Variants in CACNA1D observed in about 807,000 individuals in gnomAD.
CACNA1D encodes the protein calcium voltage-gated channel subunit alpha1 D.
Under a neutral mutation model 257.1 loss-of-function variants are expected in CACNA1D, and 55 were observed. That is an observed-to-expected ratio of 0.21 (90% confidence interval 0.17 to 0.27). The LOEUF (loss-of-function observed/expected upper bound fraction) is 0.27. CACNA1D is among the 10% of genes least tolerant of loss of function. CACNA1D has a pLI of 1.00. For synonymous variants in CACNA1D, 980 were observed against 1,014.9 expected, an observed-to-expected ratio of 0.97 and a Z score of 0.65; for missense variants, 1,876 against 2,784.0, an observed-to-expected ratio of 0.67 and a Z score of 7.34.
chr3:53,803,646 G>A, intron 44 of CACNA1D, 74 bp downstream of exon 44: 1 of 1,473,686 alleles, frequency 6.8e-7, no homozygotes, highest in Non-Finnish European at 9.4e-7. Context: ...GGAAGCCAGG[G>A]CCACCGGCAG....
chr3:53,677,152 G>C (rs530308766), intron 8 of CACNA1D, among the ~76,000 whole-genome samples: 2 of 152,268 alleles, frequency 1.3e-5, no homozygotes, highest in East Asian at 1.9e-4. Flanking sequence ...ATGGGTGGTA[G>C]GCTGGTTGGC....
intron 3 of CACNA1D, among the ~76,000 whole-genome samples, chr3:53,610,276 A>G (rs932225748): frequency 4.6e-5 from 7 of 152,220 alleles, no homozygotes; most frequent in African/African-American, 1.4e-4. Flanking sequence ...TGATAGTGCT[A>G]TTCTTTTGTA....
chr3:53,592,252 C>T (rs2093315767), intron 3 of CACNA1D, among the ~76,000 whole-genome samples: 1 of 152,138 alleles, frequency 6.6e-6, no homozygotes, highest in South Asian at 2.1e-4. Context: ...TAATGAGGTG[C>T]CATGTAGGCA....
intron 3 of CACNA1D, among the ~76,000 whole-genome samples, chr3:53,642,079 G>A (rs78718305): frequency 0.029 from 4,342 of 152,302 alleles, 77 homozygotes; most frequent in East Asian, 0.071. Flanking sequence ...CAAATGGGGA[G>A]GGGAGGGGAG....
chr3:53,602,137 A>G (rs1293613739), intron 3 of CACNA1D, among the ~76,000 whole-genome samples: 1 of 152,182 alleles, frequency 6.6e-6, no homozygotes, highest in Non-Finnish European at 1.5e-5. Flanking sequence ...CTGGTCTCTG[A>G]TAACTACCAT....
chr3:53,652,158 G>T (rs1244252297), intron 4 of CACNA1D, among the ~76,000 whole-genome samples: 1 of 152,188 alleles, frequency 6.6e-6, no homozygotes, highest in Non-Finnish European at 1.5e-5. Flanking sequence ...CCGAAGCCTT[G>T]CAGGTATGTT....
chr3:53,617,544 G>T (rs565181925), intron 3 of CACNA1D, among the ~76,000 whole-genome samples: 3 of 152,252 alleles, frequency 2.0e-5, no homozygotes, highest in Non-Finnish European at 4.4e-5. Context: ...ATAATGACTG[G>T]CTCCTAGGCA....
chr3:53,673,573 A>T lies in CACNA1D; in HGVS notation c.1220+447A>T. The T allele has an allele frequency of 1.5e-6, 1 of 679,186 alleles. No individual in the cohort carries two copies. The highest frequency in any genetic ancestry group is 1.7e-5 in the South Asian group (1 of 59,518). The allele number at this position is 679,186 out of a possible 1,614,324, so 42.1% of individuals were successfully genotyped here. A position where few individuals can be genotyped will look rare whatever the true frequency, so the allele number is the denominator to read the frequency against. On this transcript the variant is annotated intron_variant, in intron 8 of 47. Coordinates refer to ENST00000350061, the MANE Select transcript of CACNA1D (RefSeq NM_001128840.3). The surrounding 1 kb of genome is among the most constrained non-coding windows in gnomAD (Gnocchi z 4.1). ...TGTCCTTATTTGCAGAAAAAAAAAA[A>T]AAAAGGGAAGGACCTAGGCCCAGTC... is the stretch of plus-strand genomic sequence containing the variant.
chr3:53,761,862 G>A, intron 29 of CACNA1D, 136 bp from the exon 30 acceptor site: 1 of 720,098 alleles, frequency 1.4e-6, no homozygotes, highest in South Asian at 1.5e-5. Context: ...GGACAGTATT[G>A]TTACTTCCCC....
chr3:53,754,410 C>G (rs906245193), intron 29 of CACNA1D, among the ~76,000 whole-genome samples: 3 of 152,178 alleles, frequency 2.0e-5, no homozygotes, highest in Non-Finnish European at 2.9e-5. Flanking sequence ...CTGGCACTTA[C>G]AGCTGAAACA....
chr3:53,747,765 T>C (rs1323804265), intron 26 of CACNA1D, among the ~76,000 whole-genome samples: 3 of 149,014 alleles, frequency 2.0e-5, no homozygotes, highest in African/African-American at 7.4e-5. Context: ...AAAGAGGGTC[T>C]GAATGGTGTC....
intron 3 of CACNA1D, among the ~76,000 whole-genome samples, chr3:53,596,672 G>A (rs1219699460): frequency 6.6e-6 from 1 of 152,202 alleles, no homozygotes; most frequent in Non-Finnish European, 1.5e-5. Flanking sequence ...AGGAATGTGG[G>A]CAGCCTTAGA....
Position 53,723,947 on chromosome 3 carries a change from C to G in CACNA1D, c.2048C>G (p.Thr683Ser). 6.2e-7 allele frequency: 1 copy of G among 1,614,180 alleles called. No homozygotes were observed. Residue 683 changes from threonine (T) to serine (S), a missense_variant, in exon 14 of 48, where the codon ACC (threonine) becomes AGC (serine). Transcript: ENST00000350061. The surrounding 1 kb of genome is among the most constrained non-coding windows in gnomAD (Gnocchi z 5.6). ...GGKFNFDETQ[T>S]KRSTFDNFPQ... ...AAGTTTAATTTTGATGAAACGCAAA[C>G]CAAGCGGAGCACCTTTGACAATTTC...
In CACNA1D at chr3:53,666,677, A is replaced by G. The variant is rs3821856; in HGVS notation, c.1116+142A>G. ...AAGGGAAGCAGATGCTGTCTTTACC[A>G]GCAGTCTTCATCATCCTGCTCCTCG... is the stretch of plus-strand genomic sequence containing the variant. On this transcript the variant is annotated intron_variant, in intron 7 of 47. Transcript: ENST00000350061. 112,210 of 757,362 alleles carry G rather than the reference A, an allele frequency of 0.15. 9,362 individuals are homozygous for G. The highest frequency in any genetic ancestry group is 0.19 in the Middle Eastern group (564 of 2,950). The allele number at this position is 757,362 out of a possible 1,614,324, so 46.9% of individuals were successfully genotyped here. A position where few individuals can be genotyped will look rare whatever the true frequency, so the allele number is the denominator to read the frequency against.
rs190799993 is a variant in CACNA1D, at chr3:53,720,561, A to G, written c.1505+780A>G. Among the ~76,000 whole-genome samples the G allele has an allele frequency of 1.8e-3, 274 of 152,366 alleles. 1 individual carries two copies. The highest frequency in any genetic ancestry group is 6.2e-3 in the African/African-American group (256 of 41,588). Reference sequence around the variant, plus strand: ...AGATTAATGCATAAAGGAGAGTGTCAATAATAGAAAAACCCAATAAAAAAT... The same window carrying G: ...AGATTAATGCATAAAGGAGAGTGTCGATAATAGAAAAACCCAATAAAAAAT... On this transcript the variant is annotated intron_variant, in intron 11 of 47. Coordinates refer to ENST00000350061, the MANE Select transcript of CACNA1D (RefSeq NM_001128840.3).
At chr3:53,773,778 C>T (rs966430622) in intron 33 of CACNA1D, 16 of 151,922 alleles carry the variant, frequency 1.1e-4, no homozygotes, top group African/African-American at 3.4e-4. Context: ...CTCTGTGATT[C>T]AGCAGCACGT....
At chr3:53,715,587 G>T (rs552521208) in intron 9 of CACNA1D, among the ~76,000 whole-genome samples, 16 of 152,300 alleles carry the variant, frequency 1.1e-4, no homozygotes, top group African/African-American at 3.4e-4. Context: ...TGATCATCCA[G>T]CCCTGGGGAC....
In CACNA1D at chr3:53,775,959, G is replaced by C. The variant is rs1202976181; in HGVS notation, c.4276G>C (p.Asp1426His). The C allele has an allele frequency of 6.2e-7, 1 of 1,614,026 alleles. No homozygotes were observed. Among genetic ancestry groups the C allele is most frequent in the Non-Finnish European group, 8.5e-7 (1 of 1,179,968 alleles). The change falls in exon 35 of 48, where the codon GAT becomes CAT. Residue 1426 changes from aspartate to histidine, a missense_variant. Coordinates refer to ENST00000350061, the MANE Select transcript of CACNA1D (RefSeq NM_001128840.3). ...AGGGAAGCTCTGTGACCCTGAGTCA[G>C]ATTACAACCCCGGGGAGGAGTATAC... ...LPGKLCDPESDYNPGEEYTCG... is the reference protein window; with the variant it reads ...LPGKLCDPESHYNPGEEYTCG...
At chr3:53,770,377 A>G (rs2109002596) in intron 31 of CACNA1D, 47 bp from the exon 32 acceptor site, 2 of 1,593,636 alleles carry the variant, frequency 1.3e-6, no homozygotes, top group Non-Finnish European at 1.7e-6. Context: ...AAAGTGTTGC[A>G]TGTTCTACTT....
Sources: gnomAD v4.1 joint callset for allele counts (sites outside exome capture counted in the v4.1 genomes callset) on GRCh38, gnomAD v4.1.1 for gene constraint, Gnocchi (gnomAD v3.1) non-coding constraint, MANE v1.5 for transcripts, NCBI Gene and HGNC (gene_info 2026-07-23, HGNC 2026-07-21) for gene names.